The following LRRK2 variants were observed in gnomAD, a reference collection of about 807,000 sequenced individuals.
LRRK2 encodes the protein leucine-rich repeat serine/threonine-protein kinase 2.
Under a neutral mutation model 302.6 loss-of-function variants are expected in LRRK2, and 203 were observed. The ratio of observed to expected loss-of-function variants is 0.67; its 90% confidence interval spans 0.60 to 0.75. The LOEUF is 0.75. Ranked by LOEUF, LRRK2 falls within the 30% of genes least tolerant of loss-of-function variation. The pLI is 0.00. For synonymous variants in LRRK2, 1,066 were observed against 1,031.9 expected (o/e 1.03, Z -0.63); for missense variants, 2,830 against 2,951.0 (o/e 0.96, Z 0.95).
intron 18 of LRRK2, among the ~76,000 whole-genome samples, chr12:40,280,621 T>TTTAAATAAAA (rs1555181467): frequency 7.5e-6 from 1 of 132,564 alleles, no homozygotes; most frequent in Non-Finnish European, 1.6e-5. Flanking sequence ...CCAGACCCTG[T>TTTAAATAAAA]TAAAATAAAA....
At chr12:40,263,339 C>T (rs536949952) in intron 13 of LRRK2, among the ~76,000 whole-genome samples, 29 of 152,192 alleles carry the variant, frequency 1.9e-4, no homozygotes, top group African/African-American at 6.7e-4. Context: ...AATACTGAAA[C>T]TCAAATCTTA....
At chr12:40,312,117 T>C (rs1317270296) in intron 31 of LRRK2, among the ~76,000 whole-genome samples, 1 of 152,116 alleles carries the variant, frequency 6.6e-6, no homozygotes, top group Non-Finnish European at 1.5e-5. Context: ...GGCCTGAATT[T>C]AGTTGATGCA....
rs753437433 is a variant in LRRK2, at chr12:40,320,142, C to A, written c.4982C>A (p.Pro1661Gln). 9.3e-6 allele frequency: 15 copies of A among 1,611,726 alleles called. No homozygotes were observed. Among genetic ancestry groups the A allele is most frequent in the African/African-American group, 1.3e-5 (1 of 74,720 alleles). Reference sequence around the variant, plus strand: ...CTAGAAAAATTCCAGATTGCTTTGCCAATAGGAGAAGAATATTTGCTGGTT... The same window carrying A: ...CTAGAAAAATTCCAGATTGCTTTGCAAATAGGAGAAGAATATTTGCTGGTT... ...KLLEKFQIAL[P>Q]IGEEYLLVPS... Residue 1661 changes from proline (P) to glutamine (Q), a missense_variant, in exon 34 of 51, where the codon CCA (proline) becomes CAA (glutamine). Physicochemically the swap from Pro to Gln is moderately conservative, Grantham distance 76 (BLOSUM62 -1). Transcript: ENST00000298910.
intron 33 of LRRK2, among the ~76,000 whole-genome samples, chr12:40,319,208 A>G (rs1049389744): frequency 6.6e-6 from 1 of 152,154 alleles, no homozygotes; most frequent in Admixed American, 6.6e-5. Context: ...TGCGTACTTT[A>G]CATGTGTTAT....
intron 20 of LRRK2, among the ~76,000 whole-genome samples, chr12:40,291,606 C>A (rs950466214): frequency 2.6e-5 from 4 of 151,282 alleles, no homozygotes; most frequent in African/African-American, 4.9e-5. Flanking sequence ...GATTTCTATC[C>A]TTTTATATTT....
chr12:40,339,965 G>A (rs1945986552), intron 40 of LRRK2, among the ~76,000 whole-genome samples: 1 of 152,134 alleles, frequency 6.6e-6, no homozygotes, highest in South Asian at 2.1e-4. Flanking sequence ...TATGATCATT[G>A]AGAGAATTCA....
intron 18 of LRRK2, among the ~76,000 whole-genome samples, chr12:40,280,622 TAAAATAAAATA>T (rs768946906): frequency 3.6e-3 from 21 of 5,804 alleles, no homozygotes; most frequent in Non-Finnish European, 6.9e-3. Flanking sequence ...CAGACCCTGT[TAAAATAAAATA>T]AAATAAAATA....
chr12:40,286,265 C>T (rs1483784027), intron 19 of LRRK2: 2 of 151,988 alleles, frequency 1.3e-5, no homozygotes, highest in Non-Finnish European at 2.9e-5. Context: ...TAGTATTTGC[C>T]TAAGTGACAT....
At chr12:40,295,271 T>C (rs1225999179) in intron 22 of LRRK2, among the ~76,000 whole-genome samples, 156 bp from the exon 23 acceptor site, 1 of 152,126 alleles carries the variant, frequency 6.6e-6, no homozygotes, top group Non-Finnish European at 1.5e-5. Context: ...ACTGTTCATC[T>C]CTGCCACTGG....
At chr12:40,294,699 A>T in intron 21 of LRRK2, 146 bp from the exon 22 acceptor site, 1 of 507,198 alleles carries the variant, frequency 2.0e-6, no homozygotes, top group Non-Finnish European at 3.6e-6. Context: ...TATCCTCATA[A>T]TTGGGTTCTT....
In LRRK2 at chr12:40,367,853, C is replaced by A; in HGVS notation, c.*88C>A. ...TAAAAATGTTCACATGGAAAGGGTA[C>A]TCACATTTTTTGAAATAGCTCGTGT... On this transcript the variant is annotated 3_prime_UTR_variant, in exon 51 of 51. Transcript: ENST00000298910. The A allele has an allele frequency of 7.3e-7, 1 of 1,366,264 alleles. No homozygotes were observed. The allele number at this position is 1,366,264 out of a possible 1,614,324, so 84.6% of individuals were successfully genotyped here.
Position 40,364,019 on chromosome 12 carries a change from T to G in LRRK2, c.7181+465T>G, listed in dbSNP as rs551771950. On this transcript the variant is annotated intron_variant, in intron 48 of 50. Transcript: ENST00000298910. Reference sequence around the variant, plus strand: ...GGATCAAGACCCCAGAATGAGAGCATAGTGCTTAGTCTGATGCAGCCTGTG... The same window carrying G: ...GGATCAAGACCCCAGAATGAGAGCAGAGTGCTTAGTCTGATGCAGCCTGTG... Among the ~76,000 whole-genome samples, 64 of 152,088 alleles carry G rather than the reference T, an allele frequency of 4.2e-4. 1 individual carries two copies. Among genetic ancestry groups the G allele is most frequent in the South Asian group, 2.5e-3 (12 of 4,822 alleles).
At position 40,240,569 on chromosome 12, in the gene LRRK2, GA is replaced by G; in HGVS notation, c.661del (p.Ile221LeufsTer12). The part of the protein sequence containing the change: ...SALTNFKDEE[E>X]IVLHVLHCLH... ...GTTAACAAATTTTAAAGATGAAGAG[GA>G]AATTGTGCTTCATGTGCTGCATTGT... is the stretch of plus-strand genomic sequence containing the variant. On this transcript the variant is annotated frameshift_variant, in exon 6 of 51. Transcript: ENST00000298910. LOFTEE classifies it high-confidence loss of function. 6.2e-7 allele frequency: 1 copy of G among 1,613,224 alleles called. No individual in the cohort carries two copies. The highest frequency in any genetic ancestry group is 8.5e-7 in the Non-Finnish European group (1 of 1,179,494).
chr12:40,340,549 C>T, intron 41 of LRRK2, 95 bp downstream of exon 41: 2 of 1,257,288 alleles, frequency 1.6e-6, no homozygotes, highest in Non-Finnish European at 2.3e-6. Flanking sequence ...AAAACAGAGT[C>T]TATCACATTG....
chr12:40,247,618 A>T lies in LRRK2; in HGVS notation c.839-2208A>T, dbSNP rs568004362. Among the ~76,000 whole-genome samples, 24 of 144,746 alleles carry T rather than the reference A, an allele frequency of 1.7e-4. 1 individual carries two copies. Among genetic ancestry groups the T allele is most frequent in the Admixed American group, 3.5e-4 (5 of 14,274 alleles). The allele number at this position is 144,746 out of a possible 152,430, so 95.0% of individuals were successfully genotyped here. On this transcript the variant is annotated intron_variant, in intron 7 of 50. Transcript: ENST00000298910. ...TATAAATATACATATTTATACACAG[A>T]TGTATATAAATATACATATTTATAC...
chr12:40,287,217 T>C, intron 19 of LRRK2, 134 bp from the exon 20 acceptor site: 1 of 762,606 alleles, frequency 1.3e-6, no homozygotes, highest in Non-Finnish European at 2.2e-6. Context: ...GGATCACTAG[T>C]GTAAGGTGAC....
Position 40,298,800 on chromosome 12 carries a change from A to ATATATAT in LRRK2, c.3348-304_3348-303insATTATAT, listed in dbSNP as rs1565726968. The stretch of plus-strand genomic sequence containing the variant: ...AGAAATATATATATATATATATATA[A>ATATATAT]TATATGTATTATAATATATAATACA... On this transcript the variant is annotated intron_variant, in intron 24 of 50. Transcript: ENST00000298910. 5.9e-5 allele frequency among the ~76,000 whole-genome samples: 3 copies of ATATATAT among 50,602 alleles called. 1 individual carries two copies. Among genetic ancestry groups the ATATATAT allele is most frequent in the East Asian group, 8.7e-4 (2 of 2,286 alleles). The allele number at this position is 50,602 out of a possible 152,430, so 33.2% of individuals were successfully genotyped here.
intron 12 of LRRK2, 41 bp downstream of exon 12, chr12:40,257,418 G>T (rs183641709): frequency 2.5e-6 from 4 of 1,584,204 alleles, no homozygotes; most frequent in Non-Finnish European, 3.5e-6. Flanking sequence ...ATATCATATT[G>T]GGCCAGGTAG....
At chr12:40,266,974 C>G (rs1372763004) in intron 14 of LRRK2, among the ~76,000 whole-genome samples, 1 of 105,550 alleles carries the variant, frequency 9.5e-6, no homozygotes, top group Non-Finnish European at 1.8e-5. Flanking sequence ...ACATCACACT[C>G]TGGGGCCTGT....
Sources: allele counts gnomAD v4.1 joint callset (sites outside exome capture counted in the v4.1 genomes callset), GRCh38; gene constraint gnomAD v4.1.1; transcripts MANE v1.5; gene names NCBI Gene and HGNC (gene_info 2026-07-23, HGNC 2026-07-21).